GC: variants seen among roughly 807,000 people sequenced by gnomAD.
The protein encoded by GC is vitamin D-binding protein.
In GC, 43 loss-of-function variants were observed where a neutral mutation model predicts 56.7. The observed-to-expected ratio is 0.76, with a 90% CI of 0.59 to 0.98. The LOEUF (loss-of-function observed/expected upper bound fraction) is 0.98, where lower values mean the gene tolerates loss of function less well. GC is among the 50% of genes least tolerant of loss of function. The probability of loss-of-function intolerance (pLI) is 0.00; values close to 1 mark genes in which losing one functional copy is unlikely to be tolerated. For missense variants in GC, 529 were observed against 545.9 expected (o/e 0.97, Z 0.31); for synonymous variants, 216 against 202.7 (o/e 1.07, Z -0.56).
At chr4:71,759,419 A>G (rs1027295541) in intron 6 of GC, 1 of 152,208 alleles carries the variant, frequency 6.6e-6, no homozygotes, top group African/African-American at 2.4e-5. Flanking sequence ...CAAGCGTTCC[A>G]ATTTCTATGC....
At position 71,752,771 on chromosome 4, in the gene GC, G is replaced by A. The variant is rs1342999567; in HGVS notation, c.1263-121C>T. On this transcript the variant is annotated intron_variant, in intron 10 of 12. Transcript: ENST00000273951. ...AAAATGAAAATAGAAATACTTGCCTGTCTCAAGAAAATTCTATACCTGTGG... is the reference window on the plus strand; with the variant it reads ...AAAATGAAAATAGAAATACTTGCCTATCTCAAGAAAATTCTATACCTGTGG... The A allele has an allele frequency of 5.7e-6, 5 of 881,176 alleles. No homozygotes were observed. The African/African-American group carries it at 8.5e-5, about 15-fold the overall frequency. 54.6% of individuals were successfully genotyped at this position (881,176 alleles called of 1,614,324 possible).
upstream of GC, chr4:71,804,133 T>C: frequency 1.6e-6 from 1 of 610,364 alleles, no homozygotes; most frequent in East Asian, 2.8e-5. Flanking sequence ...CCACAGACCC[T>C]GGCTGAGCAA....
intron 1 of GC, among the ~76,000 whole-genome samples, chr4:71,771,594 G>A (rs983278164): frequency 6.6e-6 from 1 of 152,054 alleles, no homozygotes; most frequent in Admixed American, 6.6e-5. Flanking sequence ...CCTGAATCCT[G>A]AATCTGATGT....
chr4:71,760,991 CAG>C (rs1741953857), intron 6 of GC, among the ~76,000 whole-genome samples: 1 of 152,032 alleles, frequency 6.6e-6, no homozygotes, highest in Admixed American at 6.6e-5. Context: ...AAATTTGTAC[CAG>C]GAGTGCGGTG....
At chr4:71,786,514 A>G (rs887297238), upstream of GC, among the ~76,000 whole-genome samples, 1 of 151,888 alleles carries the variant, frequency 6.6e-6, no homozygotes, top group Admixed American at 6.6e-5. Context: ...TGAATACATA[A>G]GCAGTAGAAT....
At position 71,792,190 on chromosome 4, in the gene GC, A is replaced by T. The variant is rs139669212; in HGVS notation, c.22-8136T>A. ...CTTTGGGTATATACCCAGTAATGGG[A>T]TGGCTGAGTCAAATGGTATTTCCAG... On this transcript the variant is annotated intron_variant, in intron 1 of 13. Coordinates refer to the GC transcript ENST00000504199. Among the ~76,000 whole-genome samples, 1,082 of 152,314 alleles carry T rather than the reference A, an allele frequency of 7.1e-3. 14 individuals carry two copies. The highest frequency in any genetic ancestry group is 0.025 in the African/African-American group (1,038 of 41,560).
At chr4:71,745,588 T>A (rs904837559) in intron 12 of GC, among the ~76,000 whole-genome samples, 1 of 152,190 alleles carries the variant, frequency 6.6e-6, no homozygotes, top group Admixed American at 6.5e-5. Context: ...ATATTGTTGT[T>A]GAAATGTGCA....
At chr4:71,746,428 C>A (rs1741366835) in intron 11 of GC, among the ~76,000 whole-genome samples, 1 of 151,384 alleles carries the variant, frequency 6.6e-6, no homozygotes, top group Admixed American at 6.6e-5. Context: ...GAAAAGTAGA[C>A]AAGAAAAAAT....
At chr4:71,753,770 G>T (rs1741629769) in intron 10 of GC, among the ~76,000 whole-genome samples, 1 of 152,198 alleles carries the variant, frequency 6.6e-6, no homozygotes, top group African/African-American at 2.4e-5. Flanking sequence ...CAGTATGCTT[G>T]ATTGAAAGTT....
intron 6 of GC, among the ~76,000 whole-genome samples, chr4:71,760,848 T>A (rs975304905): frequency 6.6e-6 from 1 of 152,212 alleles, no homozygotes. Context: ...GATTTGCTCC[T>A]CCTTGCCTTC....
chr4:71,755,086 T>G lies in GC; in HGVS notation c.1056A>C (p.Arg352Ser). 6.3e-7 allele frequency: 1 copy of G among 1,583,178 alleles called. No homozygotes were observed. The highest frequency in any genetic ancestry group is 2.3e-5 in the East Asian group (1 of 43,954). Reference protein sequence around the residue: ...VMDKYTFELSRRTHLPEVFLS... With the variant: ...VMDKYTFELSSRTHLPEVFLS... ...GGAATACTTCCGGAAGATGAGTCCTTCTGCTTAGTTCAAATGTATACCTAG... is the reference window on the plus strand; with the variant it reads ...GGAATACTTCCGGAAGATGAGTCCTGCTGCTTAGTTCAAATGTATACCTAG... Residue 352 changes from arginine (R) to serine (S), a missense_variant, in exon 9 of 13, where the codon AGA becomes AGC. Transcript: ENST00000273951.
At position 71,755,027 on chromosome 4, in the gene GC, AGGCTTTTTAGGGTT is replaced by A; in HGVS notation, c.1101_1114del (p.Thr368TrpfsTer2). 6.2e-7 allele frequency: 1 copy of A among 1,600,310 alleles called. No individual in the cohort carries two copies. The highest frequency in any genetic ancestry group is 8.5e-7 in the Non-Finnish European group (1 of 1,173,320). On this transcript the variant is annotated frameshift_variant, in exon 9 of 13. Transcript: ENST00000273951. LOFTEE classifies it high-confidence loss of function. ...GTCTTCAACATCACAGCATTCACCA[AGGCTTTTTAGGGTT>A]GGCTCAAGTACCTTACTGAGGAATA...
intron 12 of GC, among the ~76,000 whole-genome samples, chr4:71,744,212 G>T (rs976948070): frequency 6.6e-6 from 1 of 151,360 alleles, no homozygotes; most frequent in African/African-American, 2.4e-5. Flanking sequence ...GGAGGCCGAG[G>T]CGGGCGGATC....
intron 11 of GC, among the ~76,000 whole-genome samples, chr4:71,747,226 T>C (rs1474917634): frequency 6.6e-6 from 1 of 152,128 alleles, no homozygotes; most frequent in East Asian, 1.9e-4. Context: ...GGACAAGATA[T>C]TGGGGGAGAA....
chr4:71,783,840 C>T, intron 1 of GC, 121 bp downstream of exon 1: 2 of 617,608 alleles, frequency 3.2e-6, no homozygotes, highest in Non-Finnish European at 5.1e-6. Context: ...GGTCCTTATC[C>T]CTCTCCCCAA....
intron 1 of GC, among the ~76,000 whole-genome samples, chr4:71,779,101 A>G (rs1262761121): frequency 6.6e-6 from 1 of 151,744 alleles, no homozygotes; most frequent in East Asian, 1.9e-4. Context: ...GTCTGATGGT[A>G]GACATACATA....
Position 71,746,218 on chromosome 4 carries a change from A to ATTG in GC, c.1396-14_1396-13insCAA. 8.3e-7 allele frequency: 1 copy of ATTG among 1,198,624 alleles called. No individual in the cohort carries two copies. Among genetic ancestry groups the ATTG allele is most frequent in the Non-Finnish European group, 1.2e-6 (1 of 807,108 alleles). 74.2% of individuals were successfully genotyped at this position (1,198,624 alleles called of 1,614,324 possible). On this transcript the variant is annotated splice_polypyrimidine_tract_variant and intron_variant, in intron 11 of 12. Transcript: ENST00000273951. The stretch of plus-strand genomic sequence containing the variant: ...ATTCAGCATCAATCTGATAATGAAA[A>ATTG]AAGAATGTTATATAACTTATGAAGT...
At chr4:71,749,198 A>G (rs563077821) in intron 11 of GC, among the ~76,000 whole-genome samples, 4 of 152,204 alleles carry the variant, frequency 2.6e-5, no homozygotes, top group South Asian at 2.1e-4. Flanking sequence ...AACTCCATTC[A>G]TCGCACTCTA....
chr4:71,793,984 C>G (rs1469994307), intron 1 of GC, among the ~76,000 whole-genome samples: 1 of 152,184 alleles, frequency 6.6e-6, no homozygotes, highest in Non-Finnish European at 1.5e-5. Context: ...GTTGAACCAG[C>G]CTTGCATCCC....
Sources: gnomAD v4.1 joint callset for allele counts (sites outside exome capture counted in the v4.1 genomes callset) on GRCh38, gnomAD v4.1.1 for gene constraint, MANE v1.5 for transcripts, NCBI Gene and HGNC (gene_info 2026-07-23, HGNC 2026-07-21) for gene names.